The following IQCM variants were observed in gnomAD, a reference collection of about 807,000 sequenced individuals.
IQCM encodes the protein IQ domain-containing protein M.
In IQCM, 45 loss-of-function variants were observed where a neutral mutation model predicts 57.6. The observed-to-expected ratio is 0.78, with a 90% CI of 0.62 to 1.00. The LOEUF (loss-of-function observed/expected upper bound fraction) is 1.00. IQCM is among the 50% of genes least tolerant of loss of function. The probability of loss-of-function intolerance (pLI) is 0.00; values close to 1 mark genes in which losing one functional copy is unlikely to be tolerated. For missense variants in IQCM, 468 were observed against 511.6 expected, an observed-to-expected ratio of 0.91 and a Z score of 0.82; for synonymous variants, 148 against 158.9, an observed-to-expected ratio of 0.93 and a Z score of 0.51.
intron 13 of IQCM, among the ~76,000 whole-genome samples, chr4:149,365,284 T>C (rs1183220618): frequency 6.6e-6 from 1 of 151,874 alleles, no homozygotes; most frequent in Non-Finnish European, 1.5e-5. Flanking sequence ...CTGAAAAAGC[T>C]CCCAATCTCT....
chr4:149,473,395 C>T (rs1339757003), intron 12 of IQCM, among the ~76,000 whole-genome samples: 1 of 152,184 alleles, frequency 6.6e-6, no homozygotes, highest in Non-Finnish European at 1.5e-5. Flanking sequence ...CACTGGCCAT[C>T]AGAGAAATGC....
chr4:149,441,679 T>C (rs531648265), intron 12 of IQCM, among the ~76,000 whole-genome samples: 17 of 152,258 alleles, frequency 1.1e-4, no homozygotes, highest in Admixed American at 1.1e-3. Context: ...CTGATTTAAA[T>C]TTTTCAAAAA....
chr4:149,413,919 T>C (rs1365416247), intron 13 of IQCM, among the ~76,000 whole-genome samples: 2 of 151,906 alleles, frequency 1.3e-5, no homozygotes, highest in African/African-American at 2.4e-5. Flanking sequence ...AGGTGCAAAA[T>C]TGCTATCAAC....
intron 13 of IQCM, among the ~76,000 whole-genome samples, chr4:149,361,863 C>T (rs1476909477): frequency 1.3e-5 from 2 of 152,106 alleles, no homozygotes; most frequent in Admixed American, 6.5e-5. Context: ...ACTCCAAATC[C>T]CAGAATGCTA....
chr4:149,486,565 G>A (rs1313550843), intron 12 of IQCM, among the ~76,000 whole-genome samples: 1 of 152,116 alleles, frequency 6.6e-6, no homozygotes, highest in Non-Finnish European at 1.5e-5. Context: ...GACCAAAATG[G>A]TGAAACCATG....
chr4:149,654,889 AT>A (rs997436247), intron 7 of IQCM, among the ~76,000 whole-genome samples: 8 of 152,304 alleles, frequency 5.3e-5, no homozygotes, highest in East Asian at 3.9e-4. Context: ...ATATAACATA[AT>A]TTTTTATATT....
chr4:149,580,307 C>T (rs1294402385), intron 9 of IQCM, among the ~76,000 whole-genome samples: 1 of 151,592 alleles, frequency 6.6e-6, no homozygotes, highest in Non-Finnish European at 1.5e-5. Context: ...GGCAAATGCC[C>T]TCACTTTAAA....
At chr4:149,779,526 A>G (rs1272282786) in intron 2 of IQCM, among the ~76,000 whole-genome samples, 2 of 152,192 alleles carry the variant, frequency 1.3e-5, no homozygotes, top group Non-Finnish European at 2.9e-5. Flanking sequence ...AATAAATGAT[A>G]CTAGAACAAA....
chr4:149,640,191 G>A (rs1352235031), intron 7 of IQCM, among the ~76,000 whole-genome samples: 1 of 152,120 alleles, frequency 6.6e-6, no homozygotes, highest in Non-Finnish European at 1.5e-5. Flanking sequence ...TATATTTATG[G>A]AGTGCTTGAG....
intron 4 of IQCM, among the ~76,000 whole-genome samples, chr4:149,734,178 C>CA (rs1214860683): frequency 5.9e-5 from 9 of 151,316 alleles, no homozygotes; most frequent in East Asian, 3.9e-4. Flanking sequence ...CACACACACC[C>CA]AAAAAAAAGG....
intron 12 of IQCM, among the ~76,000 whole-genome samples, chr4:149,481,701 G>GTTGTT (rs1740816388): frequency 1.6e-4 from 8 of 51,580 alleles, no homozygotes; most frequent in African/African-American, 6.0e-4. Context: ...TTCCAGTTTT[G>GTTGTT]TTTTTTTTTT....
At position 149,784,264 on chromosome 4, in the gene IQCM, G is replaced by T. The variant is rs117960131; in HGVS notation, c.-49+31047C>A. On this transcript the variant is annotated intron_variant, in intron 2 of 13. Transcript: ENST00000636793. ...TTCTCACTTTGCTCTAGCTACAATG[G>T]CCTTTATGTTGCTCCTCAAATATGA... Among the ~76,000 whole-genome samples the T allele has an allele frequency of 1.2e-4, 19 of 152,098 alleles. No homozygotes were observed. In the East Asian group the frequency reaches 1.7e-3, roughly 14 times the overall value.
intron 7 of IQCM, among the ~76,000 whole-genome samples, chr4:149,646,208 T>C (rs1758620781): frequency 6.6e-6 from 1 of 152,188 alleles, no homozygotes; most frequent in South Asian, 2.1e-4. Flanking sequence ...AATAATTCTT[T>C]ATATTATACT....
intron 2 of IQCM, among the ~76,000 whole-genome samples, chr4:149,766,115 T>C (rs1298327260): frequency 5.9e-5 from 9 of 152,090 alleles, no homozygotes; most frequent in Admixed American, 5.9e-4. Context: ...CACCACTGTC[T>C]CTGTGTATTG....
intron 13 of IQCM, among the ~76,000 whole-genome samples, chr4:149,353,301 C>T (rs546586956): frequency 9.2e-4 from 140 of 152,128 alleles, no homozygotes; most frequent in Non-Finnish European, 1.6e-3. Flanking sequence ...AGCAAGAGTG[C>T]GGATAAAAGG....
chr4:149,593,871 G>A (rs913695394), intron 8 of IQCM, among the ~76,000 whole-genome samples: 2 of 152,052 alleles, frequency 1.3e-5, no homozygotes, highest in Non-Finnish European at 1.5e-5. Context: ...GTATTTTATT[G>A]AGGATCTTTG....
intron 5 of IQCM, among the ~76,000 whole-genome samples, chr4:149,716,252 A>G (rs1764987509): frequency 6.6e-6 from 1 of 152,220 alleles, no homozygotes; most frequent in South Asian, 2.1e-4. Context: ...GTTGGTGCCC[A>G]AAGTTTGGAG....
intron 12 of IQCM, among the ~76,000 whole-genome samples, chr4:149,515,298 C>T (rs939586721): frequency 4.6e-5 from 7 of 152,124 alleles, no homozygotes; most frequent in Admixed American, 2.0e-4. Flanking sequence ...CCATCATGAA[C>T]TGGGTGCTTT....
At chr4:149,474,041 G>A (rs965687016) in intron 12 of IQCM, among the ~76,000 whole-genome samples, 7 of 151,872 alleles carry the variant, frequency 4.6e-5, no homozygotes, top group African/African-American at 1.7e-4. Context: ...AAGTTAACGG[G>A]TGCAGCACAC....
Sources: allele counts gnomAD v4.1 joint callset (sites outside exome capture counted in the v4.1 genomes callset), GRCh38; gene constraint gnomAD v4.1.1; transcripts MANE v1.5; gene names NCBI Gene and HGNC (gene_info 2026-07-23, HGNC 2026-07-21).